Variants in ADGRV1 observed in about 807,000 individuals in gnomAD.
ADGRV1 encodes the protein G-protein coupled receptor 98.
Under a neutral mutation model 596.2 loss-of-function variants are expected in ADGRV1, and 359 were observed. The ratio of observed to expected loss-of-function variants is 0.60; its 90% CI spans 0.55 to 0.66. ADGRV1 has a LOEUF of 0.66. Ranked by LOEUF, ADGRV1 falls within the 30% of genes least tolerant of loss-of-function variation. ADGRV1 has a pLI of 0.00. For synonymous variants in ADGRV1, 2,681 were observed against 2,679.2 expected, an observed-to-expected ratio of 1.00 and a Z score of -0.02; for missense variants, 7,274 against 7,575.6, an observed-to-expected ratio of 0.96 and a Z score of 1.48.
At position 90,694,016 on chromosome 5, in the gene ADGRV1, C is replaced by T. The variant is rs780601387; in HGVS notation, c.7260C>T (p.Asp2420=). The change falls in exon 33 of 90, where the codon GAC becomes GAT. Residue 2420 remains aspartate (D), a synonymous_variant. Transcript: ENST00000405460. The stretch of plus-strand genomic sequence containing the variant: ...AATCTCCAATTCAAGGGGTGCCTGA[C>T]CCACTTTGGAGAACTTGGATGAATG... The part of the protein sequence containing the change: ...YYESPIQGVP[D]PLWRTWMNVS... 10 of 1,613,566 alleles carry T rather than the reference C, an allele frequency of 6.2e-6. No individual in the cohort carries two copies. The highest frequency in any genetic ancestry group is 1.6e-4 in the Middle Eastern group (1 of 6,080).
At chr5:90,591,624 A>T (rs993801132) in intron 1 of ADGRV1, among the ~76,000 whole-genome samples, 2 of 151,314 alleles carry the variant, frequency 1.3e-5, no homozygotes, top group African/African-American at 4.9e-5. Context: ...TTAACTGACC[A>T]CTAGGGAATT....
In ADGRV1 at chr5:90,714,720, T is replaced by G. The variant is rs533851571; in HGVS notation, c.9185-1747T>G. On this transcript the variant is annotated intron_variant, in intron 42 of 89. Coordinates refer to ENST00000405460, the MANE Select transcript of ADGRV1 (RefSeq NM_032119.4). ...AGAGAATGAAACATCCATTAGCCAT[T>G]AATTTTCAACATGAAATATCTACCC... 4.6e-5 allele frequency among the ~76,000 whole-genome samples: 7 copies of G among 152,244 alleles called. No individual in the cohort carries two copies. In the South Asian group the frequency reaches 1.5e-3, roughly 32 times the overall value.
At chr5:90,766,436 T>C (rs1014490073) in intron 59 of ADGRV1, among the ~76,000 whole-genome samples, 2 of 152,128 alleles carry the variant, frequency 1.3e-5, no homozygotes, top group African/African-American at 4.8e-5. Context: ...GTGGAGAACT[T>C]CTATACTGAC....
intron 85 of ADGRV1, among the ~76,000 whole-genome samples, chr5:91,064,251 C>T (rs1787693913): frequency 6.6e-6 from 1 of 152,082 alleles, no homozygotes; most frequent in Admixed American, 6.6e-5. Context: ...GCATATTTAC[C>T]ACTAACTTGA....
intron 87 of ADGRV1, among the ~76,000 whole-genome samples, chr5:91,121,956 G>C (rs1221856509): frequency 6.6e-6 from 1 of 151,458 alleles, no homozygotes; most frequent in Non-Finnish European, 1.5e-5. Context: ...AGGTCAGTAT[G>C]GTTTAAAGAG....
chr5:90,873,561 T>C (rs1768915831), intron 83 of ADGRV1, among the ~76,000 whole-genome samples: 1 of 152,242 alleles, frequency 6.6e-6, no homozygotes, highest in African/African-American at 2.4e-5. Context: ...AATGAAAATC[T>C]TGAGTACAAA....
At chr5:90,643,226 G>C (rs1466112641) in intron 13 of ADGRV1, among the ~76,000 whole-genome samples, 185 bp downstream of exon 13, 3 of 152,128 alleles carry the variant, frequency 2.0e-5, no homozygotes. Context: ...ATTCATATTA[G>C]AATGGTGTAT....
chr5:90,690,905 G>A lies in ADGRV1; in HGVS notation c.6815G>A (p.Trp2272Ter). The A allele has an allele frequency of 6.2e-7, 1 of 1,613,758 alleles. No homozygotes were observed. The highest frequency in any genetic ancestry group is 8.5e-7 in the Non-Finnish European group (1 of 1,179,796). Residue 2272 changes from tryptophan (W) to a stop codon, truncating the protein, a stop_gained, in exon 31 of 90, where the codon TGG (tryptophan) becomes TAG (stop). Coordinates refer to ENST00000405460, the MANE Select transcript of ADGRV1 (RefSeq NM_032119.4). LOFTEE classifies it high-confidence loss of function. ...ACACTCGGCAATGTTACTGTTCAGT[G>A]GGTTGCCACCATTAATGGACAGCTT... Reference protein sequence around the residue: ...SGTLGNVTVQWVATINGQLAT... With the variant: ...SGTLGNVTVQ
intron 84 of ADGRV1, among the ~76,000 whole-genome samples, chr5:90,980,507 G>A (rs1388795844): frequency 6.6e-6 from 1 of 152,180 alleles, no homozygotes; most frequent in Non-Finnish European, 1.5e-5. Context: ...AAAATGACAT[G>A]ACTACATTGT....
At chr5:90,820,937 C>T (rs1295881372) in intron 75 of ADGRV1, among the ~76,000 whole-genome samples, 5 of 151,876 alleles carry the variant, frequency 3.3e-5, no homozygotes, top group African/African-American at 7.2e-5. Context: ...GCGTTCTCTG[C>T]ATTTCCTGAA....
chr5:90,727,313 A>C (rs1435624146), intron 48 of ADGRV1, among the ~76,000 whole-genome samples: 1 of 151,316 alleles, frequency 6.6e-6, no homozygotes, highest in Non-Finnish European at 1.5e-5. Flanking sequence ...TCTTGAACTT[A>C]CTCCTTTTTA....
At position 90,582,257 on chromosome 5, in the gene ADGRV1, C is replaced by T. The variant is rs76578433; in HGVS notation, c.22+23340C>T. 4.6e-5 allele frequency among the ~76,000 whole-genome samples: 7 copies of T among 151,904 alleles called. No homozygotes were observed. In the South Asian group the frequency reaches 1.5e-3, roughly 31 times the overall value. ...CCAGAATTTCTTTGTTAATTTTTTG[C>T]CTCAATGATCTGTCTAACACTGTCA... On this transcript the variant is annotated intron_variant, in intron 1 of 89. Coordinates refer to ENST00000405460, the MANE Select transcript of ADGRV1 (RefSeq NM_032119.4).
chr5:90,675,456 CA>C lies in ADGRV1; in HGVS notation c.5313+12del. ...CCTGAGGATTACCAGGTAATTTACT[CA>C]GTCCTTTTGAAGTTGTATTTGCACT... On this transcript the variant is annotated intron_variant, in intron 24 of 89. Coordinates refer to ENST00000405460, the MANE Select transcript of ADGRV1 (RefSeq NM_032119.4). 1 of 1,607,698 alleles carries C rather than the reference CA, an allele frequency of 6.2e-7. No individual in the cohort carries two copies. Among genetic ancestry groups the C allele is most frequent in the Non-Finnish European group, 8.5e-7 (1 of 1,176,046 alleles).
intron 21 of ADGRV1, among the ~76,000 whole-genome samples, chr5:90,667,457 TC>T (rs899130039): frequency 4.1e-5 from 6 of 147,946 alleles, no homozygotes; most frequent in African/African-American, 1.5e-4. Flanking sequence ...GGTTTTCAGC[TC>T]CATCAGCTCC....
intron 50 of ADGRV1, among the ~76,000 whole-genome samples, chr5:90,730,974 T>C (rs571965588): frequency 6.6e-6 from 1 of 152,310 alleles, no homozygotes; most frequent in South Asian, 2.1e-4. Context: ...AATGTTACCA[T>C]GCTATGAAGA....
At position 90,802,297 on chromosome 5, in the gene ADGRV1, C is replaced by A. The variant is rs914285187; in HGVS notation, c.14518-442C>A. ...GTGGCACAATCTCAGCTCACTGCAA[C>A]CTCTGCCTCCTGGGTTCAAATGATT... is the stretch of plus-strand genomic sequence containing the variant. On this transcript the variant is annotated intron_variant, in intron 70 of 89. Transcript: ENST00000405460. Among the ~76,000 whole-genome samples, 15 of 152,276 alleles carry A rather than the reference C, an allele frequency of 9.9e-5. No homozygotes were observed. In the East Asian group the frequency reaches 2.9e-3, roughly 29 times the overall value.
In ADGRV1 at chr5:90,709,812, C is replaced by G. The variant is rs1749098349; in HGVS notation, c.8824+903C>G. ...ATAATTATTATTCACACTAAGACAA[C>G]TAACAAAACAATTCATATTTCTTTC... On this transcript the variant is annotated intron_variant, in intron 39 of 89. Coordinates refer to ENST00000405460, the MANE Select transcript of ADGRV1 (RefSeq NM_032119.4). Among the ~76,000 whole-genome samples, 2 of 152,200 alleles carry G rather than the reference C, an allele frequency of 1.3e-5. 1 individual carries two copies. The highest frequency in any genetic ancestry group is 4.8e-5 in the African/African-American group (2 of 41,454).
At chr5:91,034,596 C>T (rs890756205) in intron 85 of ADGRV1, among the ~76,000 whole-genome samples, 13 of 152,142 alleles carry the variant, frequency 8.5e-5, no homozygotes, top group South Asian at 2.1e-4. Context: ...TCCATGGAAA[C>T]TTGTGCTTCG....
intron 50 of ADGRV1, among the ~76,000 whole-genome samples, chr5:90,736,986 C>T (rs1338128915): frequency 6.7e-6 from 1 of 149,868 alleles, no homozygotes; most frequent in African/African-American, 2.4e-5. Flanking sequence ...TATTTGCTTC[C>T]TTCTGTTAAC....
Sources: gnomAD v4.1 joint callset for allele counts (sites outside exome capture counted in the v4.1 genomes callset) on GRCh38, gnomAD v4.1.1 for gene constraint, MANE v1.5 for transcripts, NCBI Gene and HGNC (gene_info 2026-07-23, HGNC 2026-07-21) for gene names.